Variants in CARS2 observed in about 807,000 individuals in gnomAD.
CARS2 encodes the protein cysteinyl-tRNA synthetase 2, mitochondrial.
Under a neutral mutation model 68.8 loss-of-function variants are expected in CARS2, and 52 were observed. That is an observed-to-expected ratio of 0.76 (90% CI 0.61 to 0.95). The LOEUF (loss-of-function observed/expected upper bound fraction) is 0.95. Among genes scored for constraint, CARS2 ranks in the 40% least tolerant of loss-of-function variants. The pLI, the probability that CARS2 is intolerant of heterozygous loss-of-function variation, is 0.00. For missense variants in CARS2, 780 were observed against 754.2 expected (o/e 1.03, Z -0.40); for synonymous variants, 314 against 303.6 (o/e 1.03, Z -0.36).
chr13:110,689,285 C>T (rs1441713672), intron 3 of CARS2, among the ~76,000 whole-genome samples: 1 of 152,266 alleles, frequency 6.6e-6, no homozygotes, highest in Non-Finnish European at 1.5e-5. Context: ...ACAGCACCTG[C>T]CACCTGCTAG....
intron 9 of CARS2, among the ~76,000 whole-genome samples, chr13:110,658,681 GGGA>G (rs752775590): frequency 2.6e-5 from 4 of 152,218 alleles, no homozygotes; most frequent in Non-Finnish European, 4.4e-5. Context: ...CCAGCACTTT[GGGA>G]GGCTGAGGCA....
chr13:110,712,506 G>A (rs946503898), intron 1 of CARS2: 2 of 300,364 alleles, frequency 6.7e-6, no homozygotes, highest in Non-Finnish European at 1.3e-5. Context: ...GCCACGCCCA[G>A]GAGGGGCGGG....
rs867078550 is a variant in CARS2, at chr13:110,705,589, A to C, written c.225-18T>G. ...AGCTATACCTGGAAACAAAGTTAAAATCCATCGTGTGGAACATATTTGCAA... is the reference window on the plus strand; with the variant it reads ...AGCTATACCTGGAAACAAAGTTAAACTCCATCGTGTGGAACATATTTGCAA... On this transcript the variant is annotated intron_variant, in intron 1 of 14. Coordinates refer to ENST00000257347, the MANE Select transcript of CARS2 (RefSeq NM_024537.4). The surrounding 1 kb of genome is among the most constrained non-coding windows in gnomAD (Gnocchi z 4.0). 1.9e-6 allele frequency: 3 copies of C among 1,608,788 alleles called. No individual in the cohort carries two copies. The highest frequency in any genetic ancestry group is 1.7e-4 in the Middle Eastern group (1 of 6,050).
chr13:110,712,665 G>C (rs2064044602), intron 1 of CARS2: 1 of 637,312 alleles, frequency 1.6e-6, no homozygotes, highest in African/African-American at 1.8e-5. Flanking sequence ...CCGGGGAGCT[G>C]AATGGCCTCA....
chr13:110,642,291 C>T (rs1394704916), intron 14 of CARS2, 24 bp downstream of exon 14: 5 of 1,539,316 alleles, frequency 3.2e-6, no homozygotes, highest in South Asian at 2.4e-5. Flanking sequence ...GGGGTGATGT[C>T]CCTGACCTTG....
Position 110,641,556 on chromosome 13 carries a change from T to C in CARS2, c.1676A>G (p.Asp559Gly), listed in dbSNP as rs756477588. The change falls in exon 15 of 15, where the codon GAC (aspartate) becomes GGC (glycine). Residue 559 changes from aspartate (D) to glycine (G), a missense_variant. Asp to Gly is a moderately conservative substitution (Grantham distance 94). Transcript: ENST00000257347. The stretch of plus-strand genomic sequence containing the variant: ...CCATCCTCAGCCCGCTGATTTTTGG[T>C]CTTTTGTCCTTTGATCCAGCAGTTC... ...TWELLDQRTKDQKSAG is the reference protein window; with the variant it reads ...TWELLDQRTKGQKSAG 3.7e-6 allele frequency: 6 copies of C among 1,613,932 alleles called. No homozygotes were observed. The highest frequency in any genetic ancestry group is 1.6e-4 in the Middle Eastern group (1 of 6,084).
At chr13:110,687,519 CAA>C (rs897190821) in intron 5 of CARS2, among the ~76,000 whole-genome samples, 200 bp downstream of exon 5, 1 of 149,916 alleles carries the variant, frequency 6.7e-6, no homozygotes, top group Non-Finnish European at 1.5e-5. Flanking sequence ...AATACCAAAA[CAA>C]AAAAAATGTA....
chr13:110,673,793 A>G (rs1399226467), intron 7 of CARS2, among the ~76,000 whole-genome samples: 2 of 152,122 alleles, frequency 1.3e-5, no homozygotes, highest in Non-Finnish European at 2.9e-5. Context: ...TGCAGATGAC[A>G]TGATTGTATA....
Position 110,651,113 on chromosome 13 carries a change from G to C in CARS2, c.988-13C>G, listed in dbSNP as rs2062199603. 2 of 1,604,756 alleles carry C rather than the reference G, an allele frequency of 1.2e-6. No homozygotes were observed. The highest frequency in any genetic ancestry group is 1.7e-6 in the Non-Finnish European group (2 of 1,172,000). ...TCTTCAGAAAGTCCTGGTAAAGCGA[G>C]AGACAGGCAGTCACGAGGCTTTGCT... On this transcript the variant is annotated splice_polypyrimidine_tract_variant and intron_variant, in intron 9 of 14. Transcript: ENST00000257347.
chr13:110,664,083 T>C, intron 8 of CARS2: 1 of 980,822 alleles, frequency 1.0e-6, no homozygotes. Context: ...ACCAAACTCA[T>C]TTAAGGAACT....
upstream of CARS2, among the ~76,000 whole-genome samples, chr13:110,707,804 G>A (rs1479566084): frequency 1.3e-5 from 2 of 152,312 alleles, no homozygotes; most frequent in Admixed American, 1.3e-4. Flanking sequence ...AAAAGCAAAG[G>A]TTTAAGTAGA....
chr13:110,669,734 C>T (rs529363543), intron 7 of CARS2, among the ~76,000 whole-genome samples: 8 of 152,174 alleles, frequency 5.3e-5, no homozygotes, highest in Middle Eastern at 3.4e-3. Context: ...GTGCAGCTCA[C>T]GGAGTGTGAG....
intron 6 of CARS2, among the ~76,000 whole-genome samples, chr13:110,679,597 AAGAGAG>A (rs1198413028): frequency 1.8e-4 from 8 of 43,696 alleles, no homozygotes; most frequent in African/African-American, 4.3e-4. Context: ...GAAAGAAAGA[AAGAGAG>A]AGAGAGAGAG....
At chr13:110,696,982 G>A (rs979073408) in intron 3 of CARS2, among the ~76,000 whole-genome samples, 1 of 152,136 alleles carries the variant, frequency 6.6e-6, no homozygotes, top group African/African-American at 2.4e-5. Flanking sequence ...TCCCCTGCGG[G>A]GCCCTTTCTC....
intron 3 of CARS2, among the ~76,000 whole-genome samples, chr13:110,697,386 T>C (rs2063653949): frequency 6.6e-6 from 1 of 152,244 alleles, no homozygotes; most frequent in Non-Finnish European, 1.5e-5. Flanking sequence ...TGACTCTCAG[T>C]TGCAAGATAT....
chr13:110,669,012 T>C (rs2062728924), intron 7 of CARS2, among the ~76,000 whole-genome samples: 3 of 152,342 alleles, frequency 2.0e-5, no homozygotes, highest in Non-Finnish European at 2.9e-5. Context: ...GATAAACACA[T>C]AGAAGTAAAG....
rs147835903 is a variant in CARS2, at chr13:110,676,531, G to C, written c.785+443C>G. Among the ~76,000 whole-genome samples the C allele has an allele frequency of 1.3e-5, 2 of 152,278 alleles. No homozygotes were observed. The highest frequency in any genetic ancestry group is 4.8e-5 in the African/African-American group (2 of 41,572). On this transcript the variant is annotated intron_variant, in intron 7 of 14. Coordinates refer to ENST00000257347, the MANE Select transcript of CARS2 (RefSeq NM_024537.4). The surrounding 1 kb of genome is among the most constrained non-coding windows in gnomAD (Gnocchi z 4.0). ...TGGCTGGGGGACTCCAGGAAGATCT[G>C]GGAGGAGCTGGAGATTTCCGCCACA...
intron 3 of CARS2, among the ~76,000 whole-genome samples, chr13:110,691,341 T>G (rs978539090): frequency 7.9e-5 from 12 of 152,206 alleles, no homozygotes; most frequent in Admixed American, 5.2e-4. Flanking sequence ...TTAAAGAAAT[T>G]AACCTTTTAT....
rs944834906 is a variant in CARS2 at position 110,677,904 on chromosome 13, C to T, written c.656-801G>A. ...AGATAGTCACCCCCCACCACAGAAA[C>T]TCAGCTGGTCACCCCCACCAGGGAA... On this transcript the variant is annotated intron_variant, in intron 6 of 14. Transcript: ENST00000257347. 1.1e-3 allele frequency: 164 copies of T among 152,584 alleles called. 1 individual carries two copies. Among genetic ancestry groups the T allele is most frequent in the Non-Finnish European group, 4.4e-4 (30 of 68,330 alleles). 9.5% of individuals were successfully genotyped at this position (152,584 alleles called of 1,614,324 possible).
Sources: gnomAD v4.1 joint callset for allele counts (sites outside exome capture counted in the v4.1 genomes callset) on GRCh38, gnomAD v4.1.1 for gene constraint, Gnocchi (gnomAD v3.1) non-coding constraint, MANE v1.5 for transcripts, NCBI Gene and HGNC (gene_info 2026-07-23, HGNC 2026-07-21) for gene names.